The following LRRTM3 variants were observed in gnomAD, a reference collection of about 807,000 sequenced individuals.
LRRTM3 encodes the protein leucine rich repeat transmembrane neuronal 3.
In LRRTM3, 24 loss-of-function variants were observed where a neutral mutation model predicts 44.7. The observed-to-expected ratio is 0.54, with a 90% CI of 0.39 to 0.76. The LOEUF (loss-of-function observed/expected upper bound fraction) is 0.76. Among genes scored for constraint, LRRTM3 ranks in the 30% least tolerant of loss-of-function variants. The probability of loss-of-function intolerance (pLI) is 0.00; values close to 1 mark genes in which losing one functional copy is unlikely to be tolerated. For missense variants in LRRTM3, 587 were observed against 702.2 expected, an observed-to-expected ratio of 0.84 and a Z score of 1.85; for synonymous variants, 277 against 278.7, an observed-to-expected ratio of 0.99 and a Z score of 0.06.
chr10:67,033,327 T>C (rs570714610), intron 2 of LRRTM3, among the ~76,000 whole-genome samples: 1 of 152,298 alleles, frequency 6.6e-6, no homozygotes, highest in South Asian at 2.1e-4. Context: ...CATGTGCACA[T>C]CTTCCATCAA....
At chr10:67,017,754 C>CGT (rs1564834583) in intron 2 of LRRTM3, among the ~76,000 whole-genome samples, 1 of 140,830 alleles carries the variant, frequency 7.1e-6, no homozygotes, top group African/African-American at 2.6e-5. Flanking sequence ...TGTGTGTGTG[C>CGT]GCGCGTACAA....
intron 2 of LRRTM3, among the ~76,000 whole-genome samples, chr10:67,055,698 T>C (rs1855384162): frequency 6.6e-6 from 1 of 152,104 alleles, no homozygotes; most frequent in Non-Finnish European, 1.5e-5. Flanking sequence ...TCCTGGTATT[T>C]TTGTGGGAGT....
intron 2 of LRRTM3, among the ~76,000 whole-genome samples, chr10:67,074,766 T>C (rs139446182): frequency 6.6e-6 from 1 of 150,468 alleles, no homozygotes; most frequent in Admixed American, 6.6e-5. Flanking sequence ...TAAAGACATG[T>C]ATATAAAACC....
At chr10:67,002,298 T>C (rs1851735909) in intron 2 of LRRTM3, among the ~76,000 whole-genome samples, 2 of 152,150 alleles carry the variant, frequency 1.3e-5, no homozygotes, top group Admixed American at 6.5e-5. Context: ...AAGCCCTCAG[T>C]GGACAAATAA....
intron 2 of LRRTM3, among the ~76,000 whole-genome samples, chr10:66,955,922 G>A (rs1848766448): frequency 6.6e-6 from 1 of 152,066 alleles, no homozygotes; most frequent in Non-Finnish European, 1.5e-5. Flanking sequence ...CATGGCATTT[G>A]GAAATTTGCT....
Position 66,927,499 on chromosome 10 carries a change from A to C in LRRTM3, c.583A>C (p.Ser195Arg). 6.2e-7 allele frequency: 1 copy of C among 1,614,108 alleles called. No homozygotes were observed. The highest frequency in any genetic ancestry group is 8.5e-7 in the Non-Finnish European group (1 of 1,180,028). The change falls in exon 2 of 3, where the codon AGT (serine) becomes CGT (arginine). Residue 195 changes from serine (S) to arginine (R), a missense_variant. Ser to Arg is a moderately radical substitution (Grantham distance 110). Around this residue, in one of 3 missense-constraint regions of LRRTM3, gnomAD observed 222 missense variants for 323.3 expected, o/e 0.69. Coordinates refer to ENST00000361320, the MANE Select transcript of LRRTM3 (RefSeq NM_178011.5). The surrounding 1 kb of genome is among the most constrained non-coding windows in gnomAD (Gnocchi z 4.7). The part of the protein sequence containing the change: ...LLDLGYNRIR[S>R]LARNVFAGMI... ...GGACCTGGGATATAACCGGATCCGA[A>C]GTTTAGCCAGGAATGTCTTTGCTGG...
chr10:67,020,183 A>C lies in LRRTM3; in HGVS notation c.1537-77404A>C, dbSNP rs569912433. ...TATAATCATAGCTTAATGAAATTAA[A>C]TGGGTGAGCCACCTCAATCTAAGCC... On this transcript the variant is annotated intron_variant, in intron 2 of 2. Transcript: ENST00000361320. Among the ~76,000 whole-genome samples the C allele has an allele frequency of 7.9e-5, 12 of 152,350 alleles. No individual in the cohort carries two copies. The South Asian group carries it at 1.7e-3, about 21-fold the overall frequency.
chr10:67,100,813 C>T lies in LRRTM3; in HGVS notation c.*3017C>T, dbSNP rs1858294426. 6.6e-6 allele frequency among the ~76,000 whole-genome samples: 1 copy of T among 151,642 alleles called. No homozygotes were observed. Among genetic ancestry groups the T allele is most frequent in the Non-Finnish European group, 1.5e-5 (1 of 67,762 alleles). ...ACACATTAATCTCAAAGAAATTGAG[C>T]TCTTACCCCAAAACACAGGGCCAAT... On this transcript the variant is annotated 3_prime_UTR_variant, in exon 3 of 3. Transcript: ENST00000361320.
At chr10:67,026,892 G>T (rs1853425008) in intron 2 of LRRTM3, among the ~76,000 whole-genome samples, 1 of 152,112 alleles carries the variant, frequency 6.6e-6, no homozygotes, top group Non-Finnish European at 1.5e-5. Flanking sequence ...ACTCTGAGAG[G>T]TTGTAATTTA....
chr10:66,953,020 T>C (rs1006129686), intron 2 of LRRTM3, among the ~76,000 whole-genome samples: 2 of 152,060 alleles, frequency 1.3e-5, no homozygotes, highest in African/African-American at 4.8e-5. Context: ...CACTATGTTC[T>C]TTACCTTCCA....
chr10:67,022,548 CA>C (rs931948589), intron 2 of LRRTM3, among the ~76,000 whole-genome samples: 1 of 151,948 alleles, frequency 6.6e-6, no homozygotes, highest in African/African-American at 2.4e-5. Flanking sequence ...ACTATGCCTT[CA>C]AAAAAGTGAA....
chr10:66,934,789 C>A (rs1050410528), intron 2 of LRRTM3, among the ~76,000 whole-genome samples: 1 of 152,086 alleles, frequency 6.6e-6, no homozygotes, highest in Non-Finnish European at 1.5e-5. Context: ...AATAGTAAGG[C>A]AAATACTACA....
intron 2 of LRRTM3, among the ~76,000 whole-genome samples, chr10:66,941,220 C>A (rs1847977794): frequency 6.6e-6 from 1 of 152,204 alleles, no homozygotes; most frequent in African/African-American, 2.4e-5. Context: ...AGCTGAATGA[C>A]TGAAGTCTCC....
chr10:67,055,887 G>C (rs1855399361), intron 2 of LRRTM3, among the ~76,000 whole-genome samples: 1 of 152,072 alleles, frequency 6.6e-6, no homozygotes, highest in African/African-American at 2.4e-5. Context: ...CATGAATATA[G>C]ATTTAGTTAT....
At chr10:67,063,227 G>A (rs1334024225) in intron 2 of LRRTM3, among the ~76,000 whole-genome samples, 5 of 152,136 alleles carry the variant, frequency 3.3e-5, no homozygotes, top group Non-Finnish European at 7.4e-5. Context: ...CTAGTAAGAA[G>A]TGCTTTATAA....
chr10:66,957,403 T>TATATGCATATATATATATGC (rs1554886319), intron 2 of LRRTM3, among the ~76,000 whole-genome samples: 1 of 33,822 alleles, frequency 3.0e-5, no homozygotes, highest in Non-Finnish European at 5.3e-5. Context: ...CATATATATA[T>TATATGCATATATATATATGC]ATATATATAT....
chr10:66,944,733 A>G (rs1848194597), intron 2 of LRRTM3, among the ~76,000 whole-genome samples: 1 of 152,132 alleles, frequency 6.6e-6, no homozygotes, highest in African/African-American at 2.4e-5. Context: ...CTTAAATAAT[A>G]CTCTTTGAAA....
At chr10:67,032,141 A>T (rs1418259690) in intron 2 of LRRTM3, among the ~76,000 whole-genome samples, 1 of 152,146 alleles carries the variant, frequency 6.6e-6, no homozygotes, top group Non-Finnish European at 1.5e-5. Flanking sequence ...TATATGTGAG[A>T]ACCTGAGGCC....
chr10:67,043,720 G>C (rs1589652098), intron 2 of LRRTM3, among the ~76,000 whole-genome samples: 1 of 151,964 alleles, frequency 6.6e-6, no homozygotes, highest in Admixed American at 6.6e-5. Flanking sequence ...ATCTTTATAT[G>C]TCTTTTCATC....
Sources: allele counts gnomAD v4.1 joint callset (sites outside exome capture counted in the v4.1 genomes callset), GRCh38; gene constraint gnomAD v4.1.1; regional missense constraint gnomAD v4.1.1; non-coding constraint Gnocchi (gnomAD v3.1); transcripts MANE v1.5; gene names NCBI Gene and HGNC (gene_info 2026-07-23, HGNC 2026-07-21).